The following BCAR1 variants were observed in gnomAD, a reference collection of about 807,000 sequenced individuals.
The protein encoded by BCAR1 is breast cancer anti-estrogen resistance protein 1.
BCAR1 carries 30 observed loss-of-function variants against 67.6 expected under a neutral mutation model. The observed-to-expected ratio is 0.44, with a 90% CI of 0.33 to 0.60. BCAR1 has a LOEUF of 0.60. Ranked by LOEUF, BCAR1 falls within the 20% of genes least tolerant of loss-of-function variation. BCAR1 has a pLI of 0.02. For synonymous variants in BCAR1, 626 were observed against 556.7 expected, an observed-to-expected ratio of 1.12 and a Z score of -1.75; for missense variants, 1,313 against 1,222.3, an observed-to-expected ratio of 1.07 and a Z score of -1.11.
upstream of BCAR1, among the ~76,000 whole-genome samples, chr16:75,253,936 G>A (rs2077728946): frequency 6.6e-6 from 1 of 151,480 alleles, no homozygotes; most frequent in African/African-American, 2.4e-5. Flanking sequence ...TGTGCACACA[G>A]CAATCCTGCA....
chr16:75,234,648 A>G (rs889761555), intron 5 of BCAR1, among the ~76,000 whole-genome samples: 30 of 152,188 alleles, frequency 2.0e-4, no homozygotes, highest in African/African-American at 7.2e-4. Context: ...CTGTCTCCCC[A>G]CACAGAACAG....
chr16:75,259,097 C>T (rs976117829), intron 1 of BCAR1, among the ~76,000 whole-genome samples: 1 of 152,218 alleles, frequency 6.6e-6, no homozygotes, highest in Non-Finnish European at 1.5e-5. Flanking sequence ...CAGCCTAAGA[C>T]ACTTAACCTC....
chr16:75,241,263 TG>T (rs1313552257), intron 2 of BCAR1, among the ~76,000 whole-genome samples: 8 of 152,154 alleles, frequency 5.3e-5, no homozygotes, highest in African/African-American at 1.9e-4. Flanking sequence ...TTATGGGGTA[TG>T]GGATGCAGAT....
chr16:75,235,396 C>T lies in BCAR1; in HGVS notation c.1503G>A (p.Val501=). 6.2e-7 allele frequency: 1 copy of T among 1,607,244 alleles called. No homozygotes were observed. The highest frequency in any genetic ancestry group is 8.5e-7 in the Non-Finnish European group (1 of 1,178,814). Residue 501 remains valine, a synonymous_variant, in exon 5 of 7, where the codon GTG becomes GTA. Transcript: ENST00000162330. ...CGGCCACAGCAGCCTGCAGGTCCTGCACCAGCGGCTCCTGTGGCTCAGAGG... is the reference window on the plus strand; with the variant it reads ...CGGCCACAGCAGCCTGCAGGTCCTGTACCAGCGGCTCCTGTGGCTCAGAGG... The part of the protein sequence containing the change: ...RSPSEPQEPL[V]QDLQAAVAAV...
intron 1 of BCAR1, chr16:75,247,508 G>C (rs141637998): frequency 6.5e-6 from 1 of 153,954 alleles, no homozygotes; most frequent in African/African-American, 2.4e-5. Flanking sequence ...GAGAGCTGCA[G>C]CCGTCGGATG....
rs539905345 is a variant in BCAR1 at position 75,259,709 on chromosome 16, G to A, written c.66+8206C>T. Among the ~76,000 whole-genome samples the A allele has an allele frequency of 1.8e-3, 270 of 151,924 alleles. 1 individual carries two copies. Among genetic ancestry groups the A allele is most frequent in the African/African-American group, 6.3e-3 (259 of 41,434 alleles). On this transcript the variant is annotated intron_variant, in intron 1 of 6. Transcript: ENST00000393422. ...CTACTAAAAACACAAAAAATTAGCC[G>A]GGCATGGTGGCAGGCGCCTGTAATC...
chr16:75,229,327 G>A lies in BCAR1; in HGVS notation c.*184C>T, dbSNP rs1189779678. ...CGGCCCCTGGGCTTCGGCTCCTGAG[G>A]AGGCATGGCCCCACACCCTGCCCGG... On this transcript the variant is annotated 3_prime_UTR_variant, in exon 7 of 7. Coordinates refer to ENST00000162330, the MANE Select transcript of BCAR1 (RefSeq NM_014567.5). The A allele has an allele frequency of 7.0e-6, 7 of 1,006,210 alleles. No individual in the cohort carries two copies. The East Asian group carries it at 1.1e-4, about 16-fold the overall frequency. The allele number at this position is 1,006,210 out of a possible 1,614,324, so 62.3% of individuals were successfully genotyped here.
At chr16:75,264,354 C>T in intron 1 of BCAR1, 1 of 1,521,880 alleles carries the variant, frequency 6.6e-7, no homozygotes, top group South Asian at 1.2e-5. Flanking sequence ...GGGATACCGG[C>T]CCTCCAGCAG....
chr16:75,250,815 C>A (rs2077658155), intron 1 of BCAR1: 5 of 985,426 alleles, frequency 5.1e-6, no homozygotes, highest in East Asian at 1.1e-4. Flanking sequence ...CACTCGCGTG[C>A]GGCTAGGACT....
Position 75,242,387 on chromosome 16 carries a change from G to C in BCAR1, c.633+83C>G, listed in dbSNP as rs1305147236. ...CCACTCCTGGAATGCCGGTGATTGA[G>C]GGTGGCTGGACCCTTCTGTGCCCAC... On this transcript the variant is annotated intron_variant, in intron 2 of 6. Coordinates refer to ENST00000162330, the MANE Select transcript of BCAR1 (RefSeq NM_014567.5). 31 of 1,322,092 alleles carry C rather than the reference G, an allele frequency of 2.3e-5. 1 individual carries two copies. Among genetic ancestry groups the C allele is most frequent in the Non-Finnish European group, 3.0e-5 (31 of 1,035,204 alleles). The allele number at this position is 1,322,092 out of a possible 1,614,324, so 81.9% of individuals were successfully genotyped here.
chr16:75,267,225 G>A (rs940537892), intron 1 of BCAR1, among the ~76,000 whole-genome samples: 1 of 152,206 alleles, frequency 6.6e-6, no homozygotes, highest in Non-Finnish European at 1.5e-5. Context: ...GGCCTCCCAC[G>A]AGAGACCCAA....
chr16:75,242,329 A>G, intron 2 of BCAR1, 141 bp downstream of exon 2: 6 of 1,264,770 alleles, frequency 4.7e-6, no homozygotes, highest in Non-Finnish European at 6.0e-6. Flanking sequence ...CCAAACACTC[A>G]CTTCCCACTT....
At chr16:75,252,330 T>G, upstream of BCAR1, 2 of 1,536,050 alleles carry the variant, frequency 1.3e-6, no homozygotes, top group South Asian at 2.4e-5. Flanking sequence ...GCCTAAAACC[T>G]GGGCCTAGTA....
chr16:75,255,699 AAAC>A (rs1470311895), upstream of BCAR1, among the ~76,000 whole-genome samples: 1 of 151,870 alleles, frequency 6.6e-6, no homozygotes, highest in Admixed American at 6.6e-5. Context: ...TCAAAAAAAA[AAAC>A]AAAAAACAGC....
chr16:75,258,733 G>T (rs1001416981), intron 1 of BCAR1, among the ~76,000 whole-genome samples: 1 of 152,244 alleles, frequency 6.6e-6, no homozygotes, highest in African/African-American at 2.4e-5. Flanking sequence ...CCTTCGGCGT[G>T]AAGAGCCAGT....
chr16:75,258,926 A>C (rs1178429928), intron 1 of BCAR1, among the ~76,000 whole-genome samples: 2 of 152,192 alleles, frequency 1.3e-5, no homozygotes, highest in African/African-American at 4.8e-5. Flanking sequence ...GGCCAGGGAA[A>C]AAAAGAGGGA....
At chr16:75,264,554 G>T (rs1447400200) in intron 1 of BCAR1, 3 of 1,370,740 alleles carry the variant, frequency 2.2e-6, no homozygotes, top group Non-Finnish European at 2.8e-6. Context: ...AACCAGAACG[G>T]ATGGCGGGGC....
chr16:75,266,024 C>A (rs537580108), intron 1 of BCAR1: 20 of 1,026,380 alleles, frequency 1.9e-5, no homozygotes, highest in East Asian at 9.2e-5. Context: ...CCCGCGCCGC[C>A]CCCCCCACCG....
chr16:75,238,151 A>G (rs2077208864), intron 2 of BCAR1: 2 of 1,281,760 alleles, frequency 1.6e-6, no homozygotes, highest in East Asian at 5.7e-5. Context: ...AGGCAGCACA[A>G]TGGCCTGCCC....
Sources: allele counts gnomAD v4.1 joint callset (sites outside exome capture counted in the v4.1 genomes callset), GRCh38; gene constraint gnomAD v4.1.1; transcripts MANE v1.5; gene names NCBI Gene and HGNC (gene_info 2026-07-23, HGNC 2026-07-21).